CCR3: variants seen among roughly 807,000 people sequenced by gnomAD.
CCR3 encodes C-C chemokine receptor type 3.
For synonymous variants in CCR3, 203 were observed against 179.2 expected (o/e 1.13, Z -1.06); for missense variants, 419 against 437.5 (o/e 0.96, Z 0.38).
intron 1 of CCR3, among the ~76,000 whole-genome samples, chr3:46,253,423 T>C (rs1700357036): frequency 6.6e-6 from 1 of 152,128 alleles, no homozygotes; most frequent in African/African-American, 2.4e-5. Context: ...CAAAGTGGAT[T>C]TTCTCCAGGA....
At chr3:46,221,205 T>C (rs1699833064) in intron 2 of CCR3, among the ~76,000 whole-genome samples, 1 of 150,534 alleles carries the variant, frequency 6.6e-6, no homozygotes, top group Admixed American at 6.6e-5. Flanking sequence ...GTGCCTGTTT[T>C]GATTCTTCCT....
intron 2 of CCR3, among the ~76,000 whole-genome samples, chr3:46,234,596 A>G (rs561311487): frequency 6.6e-6 from 1 of 151,834 alleles, no homozygotes; most frequent in South Asian, 2.1e-4. Context: ...ATTGATGAGC[A>G]CTCATTGCCC....
At chr3:46,245,638 T>C (rs1700175127) in intron 1 of CCR3, among the ~76,000 whole-genome samples, 1 of 152,062 alleles carries the variant, frequency 6.6e-6, no homozygotes, top group South Asian at 2.1e-4. Context: ...GGGGGTTTGT[T>C]GTACAGATTA....
intron 2 of CCR3, among the ~76,000 whole-genome samples, chr3:46,216,082 C>T (rs1011594854): frequency 5.3e-5 from 8 of 152,160 alleles, no homozygotes; most frequent in Non-Finnish European, 1.0e-4. Flanking sequence ...GACTGTTTGG[C>T]AATAGCTATC....
At chr3:46,256,373 A>G (rs141136434) in intron 1 of CCR3, among the ~76,000 whole-genome samples, 1 of 152,202 alleles carries the variant, frequency 6.6e-6, no homozygotes, top group African/African-American at 2.4e-5. Context: ...CACAATCCTG[A>G]ATGCCATAAT....
At chr3:46,249,089 C>T (rs375146940) in intron 1 of CCR3, among the ~76,000 whole-genome samples, 9 of 151,790 alleles carry the variant, frequency 5.9e-5, no homozygotes, top group East Asian at 3.9e-4. Flanking sequence ...TAGGTTTTAA[C>T]GAGATGGTAA....
At chr3:46,218,249 C>G (rs961238811) in intron 2 of CCR3, among the ~76,000 whole-genome samples, 2 of 151,926 alleles carry the variant, frequency 1.3e-5, no homozygotes, top group Non-Finnish European at 2.9e-5. Flanking sequence ...AAATGTACCA[C>G]CCTCCTAGAT....
intron 1 of CCR3, 80 bp from the exon 2 acceptor site, chr3:46,265,068 C>T: frequency 1.1e-6 from 1 of 906,598 alleles, no homozygotes; most frequent in Non-Finnish European, 1.7e-6. Context: ...TTGTTGAGTA[C>T]ATGAATAAAT....
chr3:46,230,092 A>G (rs757746520), intron 2 of CCR3, among the ~76,000 whole-genome samples: 4 of 152,138 alleles, frequency 2.6e-5, no homozygotes, highest in Non-Finnish European at 5.9e-5. Context: ...TGATAGAATC[A>G]TAGGTGCAAG....
At chr3:46,219,116 G>A (rs975846577) in intron 2 of CCR3, among the ~76,000 whole-genome samples, 3 of 151,942 alleles carry the variant, frequency 2.0e-5, no homozygotes, top group African/African-American at 7.3e-5. Flanking sequence ...ATCTGATAAA[G>A]GAATTCAGTA....
chr3:46,233,123 AC>A (rs989668690), intron 2 of CCR3, among the ~76,000 whole-genome samples: 2 of 152,178 alleles, frequency 1.3e-5, no homozygotes, highest in Non-Finnish European at 2.9e-5. Flanking sequence ...GAGCCACTGC[AC>A]CCGGCCCATA....
intron 2 of CCR3, among the ~76,000 whole-genome samples, chr3:46,215,085 A>C (rs1246347267): frequency 6.6e-6 from 1 of 152,160 alleles, no homozygotes; most frequent in Non-Finnish European, 1.5e-5. Flanking sequence ...GCAGGGGGTC[A>C]GGCAGGAATG....
chr3:46,213,072 A>G (rs1699735739), intron 2 of CCR3, among the ~76,000 whole-genome samples: 1 of 152,184 alleles, frequency 6.6e-6, no homozygotes, highest in South Asian at 2.1e-4. Flanking sequence ...GTTTGAAATT[A>G]CTCTTTAACA....
upstream of CCR3, among the ~76,000 whole-genome samples, chr3:46,240,278 A>T (rs1700066250): frequency 6.6e-6 from 1 of 152,184 alleles, no homozygotes; most frequent in Non-Finnish European, 1.5e-5. Flanking sequence ...AATGTGTTAC[A>T]CATTTTAAAA....
chr3:46,223,728 T>A (rs1699862499), intron 2 of CCR3, among the ~76,000 whole-genome samples: 1 of 152,190 alleles, frequency 6.6e-6, no homozygotes, highest in Non-Finnish European at 1.5e-5. Flanking sequence ...CCTTTCAGCC[T>A]GCCTCAGTTT....
intron 2 of CCR3, among the ~76,000 whole-genome samples, chr3:46,220,403 G>T (rs1416938900): frequency 6.6e-6 from 1 of 152,102 alleles, no homozygotes; most frequent in Non-Finnish European, 1.5e-5. Flanking sequence ...ACTGCTGCTG[G>T]GCATGTAAAC....
At chr3:46,231,037 G>A (rs770573850) in intron 2 of CCR3, among the ~76,000 whole-genome samples, 2 of 152,072 alleles carry the variant, frequency 1.3e-5, no homozygotes, top group African/African-American at 2.4e-5. Flanking sequence ...CGATTCTCTT[G>A]CCTCAGCCTC....
chr3:46,228,173 T>C (rs1699925199), intron 2 of CCR3, among the ~76,000 whole-genome samples: 5 of 151,156 alleles, frequency 3.3e-5, no homozygotes, highest in African/African-American at 4.8e-5. Context: ...TTTTTTTTTT[T>C]CTTCCTCACA....
intron 1 of CCR3, chr3:46,264,355 TGTAACA>T (rs1700579124): frequency 4.2e-6 from 5 of 1,186,428 alleles, no homozygotes; most frequent in Non-Finnish European, 6.0e-6. Context: ...ATTGTACATG[TGTAACA>T]GACAAAATGT....
Sources: allele counts gnomAD v4.1 joint callset (sites outside exome capture counted in the v4.1 genomes callset), GRCh38; gene constraint gnomAD v4.1.1; transcripts MANE v1.5; gene names NCBI Gene and HGNC (gene_info 2026-07-23, HGNC 2026-07-21).